EPB41L1: variants seen among roughly 807,000 people sequenced by gnomAD.
The protein encoded by EPB41L1 is band 4.1-like protein 1.
A neutral mutation model predicts 97.8 loss-of-function variants in EPB41L1; 29 were observed. That is an observed-to-expected ratio of 0.30 (90% CI 0.22 to 0.40). The LOEUF is 0.40. EPB41L1 is among the 10% of genes least tolerant of loss of function. EPB41L1 has a pLI of 1.00. For synonymous variants in EPB41L1, 383 were observed against 459.2 expected, an observed-to-expected ratio of 0.83 and a Z score of 2.12; for missense variants, 812 against 1,162.3, an observed-to-expected ratio of 0.70 and a Z score of 4.38.
chr20:36,192,324 A>C (rs1221988298), intron 11 of EPB41L1, among the ~76,000 whole-genome samples: 1 of 152,146 alleles, frequency 6.6e-6, no homozygotes. Context: ...CGAGGTCCAG[A>C]GATCAAGACC....
intron 14 of EPB41L1, among the ~76,000 whole-genome samples, chr20:36,198,834 A>C (rs1379487743): frequency 6.6e-6 from 1 of 152,172 alleles, no homozygotes; most frequent in Non-Finnish European, 1.5e-5. Context: ...CCTGGGTTTG[A>C]ATTCTGGCTC....
At position 36,104,630 on chromosome 20, in the gene EPB41L1, C is replaced by T. The variant is rs150668166; in HGVS notation, c.-64-7796C>T. Among the ~76,000 whole-genome samples, 505 of 152,198 alleles carry T rather than the reference C, an allele frequency of 3.3e-3. 7 individuals carry two copies. The highest frequency in any genetic ancestry group is 0.011 in the African/African-American group (472 of 41,516). On this transcript the variant is annotated intron_variant, in intron 1 of 19. Transcript: ENST00000202028. ...AATGGTGGCAAGTGGGCTTCAGTTC[C>T]GGGCTTCTGCAGGGCTGCCTGTTTA...
rs1264765134 is a variant in EPB41L1, at chr20:36,093,601, G to A, written c.-65+1989G>A. Among the ~76,000 whole-genome samples the A allele has an allele frequency of 1.3e-5, 2 of 151,740 alleles. No homozygotes were observed. The highest frequency in any genetic ancestry group is 6.6e-5 in the Admixed American group (1 of 15,256). ...GGCGGCCACACCCCGGGGGTCGGGG[G>A]AACTGGGCTGACAGCAGAGCCCGCG... On this transcript the variant is annotated intron_variant, in intron 1 of 19. Transcript: ENST00000202028. The surrounding 1 kb of genome is among the most constrained non-coding windows in gnomAD (Gnocchi z 5.4).
chr20:36,112,712 A>G (rs1005534490), intron 2 of EPB41L1, among the ~76,000 whole-genome samples: 1 of 152,130 alleles, frequency 6.6e-6, no homozygotes, highest in Non-Finnish European at 1.5e-5. Flanking sequence ...CAAGCTCTGT[A>G]TTCAAAAACA....
At chr20:36,200,061 G>A (rs2062417841) in intron 14 of EPB41L1, among the ~76,000 whole-genome samples, 1 of 152,158 alleles carries the variant, frequency 6.6e-6, no homozygotes, top group Non-Finnish European at 1.5e-5. Context: ...TGGAGCTATG[G>A]ACCATTCAGA....
In EPB41L1 at chr20:36,214,435, A is replaced by G; in HGVS notation, c.2263A>G (p.Thr755Ala). Reference sequence around the variant, plus strand: ...CATCACCACGGAGACCATATCGACCACCATGGTAAGTTGAACCCAGGAGGC... The same window carrying G: ...CATCACCACGGAGACCATATCGACCGCCATGGTAAGTTGAACCCAGGAGGC... ...PSITTETIST[T>A]MENSLKSGKG... Residue 755 changes from threonine to alanine, a missense_variant, in exon 17 of 22, where the codon ACC becomes GCC. Around this residue, in one of 3 missense-constraint regions of EPB41L1, gnomAD observed 498 missense variants for 622.7 expected, o/e 0.80. Coordinates refer to ENST00000338074, the MANE Select transcript of EPB41L1 (RefSeq NM_012156.2). 6.2e-7 allele frequency: 1 copy of G among 1,612,828 alleles called. No homozygotes were observed. The highest frequency in any genetic ancestry group is 8.5e-7 in the Non-Finnish European group (1 of 1,179,610).
rs1287526653 is a variant in EPB41L1, at chr20:36,188,625, CACACACACACACACACAGAGAG to C, written c.1026+128_1026+149del. 7.2e-4 allele frequency: 492 copies of C among 687,310 alleles called. 2 individuals carry two copies. The African/African-American group carries it at 9.6e-3, about 13-fold the overall frequency. 42.6% of individuals were successfully genotyped at this position (687,310 alleles called of 1,614,324 possible). On this transcript the variant is annotated intron_variant, in intron 9 of 21. Transcript: ENST00000338074. The stretch of plus-strand genomic sequence containing the variant: ...ACACACACACACACACACACACACA[CACACACACACACACACAGAGAG>C]AGAGAGAGAGAGAGAGAGAGAGGAG...
At chr20:36,151,291 G>A (rs1041354578), upstream of EPB41L1, 5 of 152,242 alleles carry the variant, frequency 3.3e-5, no homozygotes, top group African/African-American at 1.2e-4. Context: ...AGAGCAGAGA[G>A]GGAATGAAGG....
chr20:36,129,594 C>T (rs772010238), intron 2 of EPB41L1, among the ~76,000 whole-genome samples: 2 of 152,136 alleles, frequency 1.3e-5, no homozygotes, highest in Non-Finnish European at 2.9e-5. Flanking sequence ...TCTCCTTGGT[C>T]TCTGGGACAG....
At chr20:36,197,831 C>T (rs778245300) in intron 13 of EPB41L1, 28 bp from the exon 14 acceptor site, 2 of 1,613,846 alleles carry the variant, frequency 1.2e-6, no homozygotes, top group Non-Finnish European at 1.7e-6. Context: ...GTTCCCCTAA[C>T]ACCACCACCC....
At position 36,209,346 on chromosome 20, in the gene EPB41L1, T is replaced by C. The variant is rs1488493925; in HGVS notation, c.1669-142T>C. ...TGATTTCAAGGAACCTTTCCTGGGG[T>C]GTTTTTCATTTCCTGGCCTGCTCTT... On this transcript the variant is annotated intron_variant, in intron 14 of 21. Coordinates refer to ENST00000338074, the MANE Select transcript of EPB41L1 (RefSeq NM_012156.2). This position sits in a 1 kb window ranked among gnomAD's most constrained non-coding sequence, Gnocchi z 4.2. The C allele has an allele frequency of 5.9e-6, 4 of 672,614 alleles. No homozygotes were observed. The highest frequency in any genetic ancestry group is 6.8e-6 in the Non-Finnish European group (3 of 442,108). 41.7% of individuals were successfully genotyped at this position (672,614 alleles called of 1,614,324 possible).
intron 1 of EPB41L1, among the ~76,000 whole-genome samples, chr20:36,094,865 G>A (rs140054519): frequency 6.6e-6 from 1 of 151,930 alleles, no homozygotes; most frequent in Non-Finnish European, 1.5e-5. Context: ...GCAGTGTCAC[G>A]ATCTCAGCTC....
rs1331248272 is a variant in EPB41L1 at position 36,230,653 on chromosome 20, C to T, written c.*1313C>T. The T allele has an allele frequency of 1.3e-5, 2 of 152,258 alleles. No homozygotes were observed. The highest frequency in any genetic ancestry group is 4.8e-5 in the African/African-American group (2 of 41,420). 9.4% of individuals were successfully genotyped at this position (152,258 alleles called of 1,614,324 possible). ...TAACAGTCAGGGCCTGGTCTGTGCTCAGGTACTGGGTCCCAGTCTGGGACT... is the reference window on the plus strand; with the variant it reads ...TAACAGTCAGGGCCTGGTCTGTGCTTAGGTACTGGGTCCCAGTCTGGGACT... On this transcript the variant is annotated 3_prime_UTR_variant, in exon 22 of 22. Transcript: ENST00000338074.
At chr20:36,120,353 G>GTA (rs1264487081) in intron 2 of EPB41L1, among the ~76,000 whole-genome samples, 2 of 152,234 alleles carry the variant, frequency 1.3e-5, no homozygotes, top group Non-Finnish European at 2.9e-5. Flanking sequence ...CCGCTGGACT[G>GTA]TAGAGCACAC....
chr20:36,225,735 G>A (rs769127076), intron 21 of EPB41L1, among the ~76,000 whole-genome samples: 7 of 151,776 alleles, frequency 4.6e-5, no homozygotes, highest in East Asian at 1.9e-4. Flanking sequence ...CCTCTCTCAC[G>A]CCTCCTCATC....
chr20:36,224,590 G>A (rs2063994276), intron 21 of EPB41L1, among the ~76,000 whole-genome samples: 1 of 152,192 alleles, frequency 6.6e-6, no homozygotes, highest in South Asian at 2.1e-4. Flanking sequence ...AGGTTGCAGT[G>A]AGCTGAGATG....
Position 36,231,332 on chromosome 20 carries a change from T to C in EPB41L1, c.*1992T>C, listed in dbSNP as rs1183895194. ...CACTGCGAATTTCTCAGTTCCATTTTACCTCCCAGTCCTCCTTCTAAACCA... is the reference window on the plus strand; with the variant it reads ...CACTGCGAATTTCTCAGTTCCATTTCACCTCCCAGTCCTCCTTCTAAACCA... On this transcript the variant is annotated 3_prime_UTR_variant, in exon 22 of 22. Transcript: ENST00000338074. 1 of 152,258 alleles carries C rather than the reference T, an allele frequency of 6.6e-6. No homozygotes were observed. The highest frequency in any genetic ancestry group is 1.5e-5 in the Non-Finnish European group (1 of 68,052). The allele number at this position is 152,258 out of a possible 1,614,324, so 9.4% of individuals were successfully genotyped here.
In EPB41L1 at chr20:36,209,392, GCCCCGAGATTTCT is replaced by G; in HGVS notation, c.1669-93_1669-81del. 1 of 1,347,606 alleles carries G rather than the reference GCCCCGAGATTTCT, an allele frequency of 7.4e-7. No individual in the cohort carries two copies. The highest frequency in any genetic ancestry group is 1.0e-6 in the Non-Finnish European group (1 of 993,538). 83.5% of individuals were successfully genotyped at this position (1,347,606 alleles called of 1,614,324 possible). A position where few individuals can be genotyped will look rare whatever the true frequency, so the allele number is the denominator to read the frequency against. ...CTCTTCCATTCAGGATGTCGACACA[GCCCCGAGATTTCT>G]CCTGACATTCACCATCTTGATTTCT... On this transcript the variant is annotated intron_variant, in intron 14 of 21. Transcript: ENST00000338074. The surrounding 1 kb of genome is among the most constrained non-coding windows in gnomAD (Gnocchi z 4.2).
intron 15 of EPB41L1, among the ~76,000 whole-genome samples, chr20:36,211,856 G>A (rs1569338959): frequency 6.6e-6 from 1 of 151,822 alleles, no homozygotes; most frequent in African/African-American, 2.4e-5. Context: ...TCTGTCTCAA[G>A]AAAAAAAATA....
Sources: gnomAD v4.1 joint callset for allele counts (sites outside exome capture counted in the v4.1 genomes callset) on GRCh38, gnomAD v4.1.1 for gene constraint, gnomAD v4.1.1 regional missense constraint, Gnocchi (gnomAD v3.1) non-coding constraint, MANE v1.5 for transcripts, NCBI Gene and HGNC (gene_info 2026-07-23, HGNC 2026-07-21) for gene names.